The following DENND1B variants were observed in gnomAD, a reference collection of about 807,000 sequenced individuals.
The protein encoded by DENND1B is DENN domain containing 1B.
In DENND1B, 59 loss-of-function variants were observed where a neutral mutation model predicts 90.1. The ratio of observed to expected loss-of-function variants is 0.65; its 90% CI spans 0.53 to 0.81. The LOEUF (loss-of-function observed/expected upper bound fraction) is 0.81, where lower values mean the gene tolerates loss of function less well. DENND1B is among the 40% of genes least tolerant of loss of function. DENND1B has a pLI of 0.00. For missense variants in DENND1B, 862 were observed against 912.6 expected (o/e 0.94, Z 0.71); for synonymous variants, 337 against 324.6 (o/e 1.04, Z -0.41).
At position 197,697,706 on chromosome 1, in the gene DENND1B, A is replaced by T. The variant is rs541146228; in HGVS notation, c.126+17325T>A. Among the ~76,000 whole-genome samples, 219 of 152,158 alleles carry T rather than the reference A, an allele frequency of 1.4e-3. 2 individuals carry two copies. The highest frequency in any genetic ancestry group is 4.8e-3 in the African/African-American group (200 of 41,548). Reference sequence around the variant, plus strand: ...CATGCAAAGATACATATAGGATCAAAATAAAGGGATGGAGGAAAATTTACC... The same window carrying T: ...CATGCAAAGATACATATAGGATCAATATAAAGGGATGGAGGAAAATTTACC... On this transcript the variant is annotated intron_variant, in intron 3 of 22. Transcript: ENST00000620048.
rs1667806195 is a variant in DENND1B at position 197,508,005 on chromosome 1, A to T, written c.*2455T>A. 1 of 151,652 alleles carries T rather than the reference A, an allele frequency of 6.6e-6. No homozygotes were observed. Among genetic ancestry groups the T allele is most frequent in the Admixed American group, 6.6e-5 (1 of 15,170 alleles). 9.4% of individuals were successfully genotyped at this position (151,652 alleles called of 1,614,324 possible). On this transcript the variant is annotated 3_prime_UTR_variant, in exon 23 of 23. Coordinates refer to ENST00000620048, the MANE Select transcript of DENND1B (RefSeq NM_001195215.2). ...TTTAAATACCTTGAGACAATTATTT[A>T]TGAGTGGCTAAATATCCTCAAAGCA... is the stretch of plus-strand genomic sequence containing the variant.
Position 197,583,137 on chromosome 1 carries a change from G to C in DENND1B, c.1149+15C>G. 1 of 1,608,368 alleles carries C rather than the reference G, an allele frequency of 6.2e-7. No homozygotes were observed. The highest frequency in any genetic ancestry group is 1.1e-5 in the South Asian group (1 of 90,880). ...TGTTGTCTTACAAAAGAAAAATGTG[G>C]AGGTCCACTCTTACCTGCTTAAAAA... is the stretch of plus-strand genomic sequence containing the variant. On this transcript the variant is annotated intron_variant, in intron 15 of 22. Coordinates refer to ENST00000620048, the MANE Select transcript of DENND1B (RefSeq NM_001195215.2).
chr1:197,679,597 G>A (rs1161244938), intron 3 of DENND1B, among the ~76,000 whole-genome samples: 1 of 150,414 alleles, frequency 6.6e-6, no homozygotes, highest in African/African-American at 2.4e-5. Flanking sequence ...TATATTCCAT[G>A]TATTTATGTA....
chr1:197,759,194 C>T (rs749925090), intron 2 of DENND1B, among the ~76,000 whole-genome samples: 4 of 151,258 alleles, frequency 2.6e-5, no homozygotes, highest in South Asian at 2.1e-4. Flanking sequence ...TGCTGGAACT[C>T]CTGGCCTCAT....
chr1:197,766,932 T>A (rs1490389241), intron 2 of DENND1B, among the ~76,000 whole-genome samples: 1 of 152,048 alleles, frequency 6.6e-6, no homozygotes, highest in East Asian at 1.9e-4. Flanking sequence ...TAGTTGGGAC[T>A]ACAGGCTCTT....
At chr1:197,742,911 T>C (rs1028443989) in intron 2 of DENND1B, among the ~76,000 whole-genome samples, 9 of 152,110 alleles carry the variant, frequency 5.9e-5, no homozygotes, top group Admixed American at 1.3e-4. Flanking sequence ...GGTGGTCACA[T>C]AGAACCAAGA....
chr1:197,713,722 C>A (rs1176599326), intron 3 of DENND1B, among the ~76,000 whole-genome samples: 2 of 64,104 alleles, frequency 3.1e-5, no homozygotes, highest in Non-Finnish European at 6.0e-5. Context: ...TACTCTAAAA[C>A]TTAGAGTATA....
intron 16 of DENND1B, chr1:197,552,814 G>A (rs1444593266): frequency 7.6e-7 from 1 of 1,323,166 alleles, no homozygotes; most frequent in Non-Finnish European, 9.6e-7. Context: ...TGCCAATTCA[G>A]GAGGCCAACT....
intron 2 of DENND1B, among the ~76,000 whole-genome samples, chr1:197,760,728 T>C (rs1654937966): frequency 6.6e-6 from 1 of 152,122 alleles, no homozygotes; most frequent in South Asian, 2.1e-4. Context: ...TAATGGGCTT[T>C]ATAATGAATT....
At chr1:197,540,181 CTT>C in intron 19 of DENND1B, 110 bp from the exon 20 acceptor site, 1 of 544,294 alleles carries the variant, frequency 1.8e-6, no homozygotes, top group Non-Finnish European at 3.0e-6. Context: ...CAAAATAACA[CTT>C]CAGCTTTAAG....
At chr1:197,634,929 C>T (rs1472637112) in intron 10 of DENND1B, among the ~76,000 whole-genome samples, 1 of 152,106 alleles carries the variant, frequency 6.6e-6, no homozygotes, top group Non-Finnish European at 1.5e-5. Flanking sequence ...CGGGCAGAAG[C>T]TGCAGTGGGC....
In DENND1B at chr1:197,647,935, G is replaced by A. The variant is rs144149226; in HGVS notation, c.448-821C>T. Among the ~76,000 whole-genome samples, 115 of 125,368 alleles carry A rather than the reference G, an allele frequency of 9.2e-4. No homozygotes were observed. In the East Asian group the frequency reaches 0.022, roughly 24 times the overall value. The allele number at this position is 125,368 out of a possible 152,430, so 82.2% of individuals were successfully genotyped here. Reference sequence around the variant, plus strand: ...GTTTTCCAACCTGGGCAACAAGAGCGAAACTCCACTTCAAAAAAAAAAAAA... The same window carrying A: ...GTTTTCCAACCTGGGCAACAAGAGCAAAACTCCACTTCAAAAAAAAAAAAA... On this transcript the variant is annotated intron_variant, in intron 7 of 22. Transcript: ENST00000620048.
At chr1:197,592,374 T>G (rs889318898) in intron 14 of DENND1B, among the ~76,000 whole-genome samples, 1 of 152,128 alleles carries the variant, frequency 6.6e-6, no homozygotes, top group Non-Finnish European at 1.5e-5. Context: ...TGGCATCCAA[T>G]GGGTGCTCAA....
At chr1:197,687,940 T>C (rs1657425773) in intron 3 of DENND1B, among the ~76,000 whole-genome samples, 1 of 152,106 alleles carries the variant, frequency 6.6e-6, no homozygotes, top group African/African-American at 2.4e-5. Context: ...AAAAATTTAT[T>C]AGACATACTA....
chr1:197,587,211 C>G (rs1674776461), intron 14 of DENND1B, among the ~76,000 whole-genome samples: 1 of 152,056 alleles, frequency 6.6e-6, no homozygotes, highest in Non-Finnish European at 1.5e-5. Context: ...TGAGAAATAC[C>G]CATCTATAAT....
chr1:197,634,456 A>G (rs767697076), intron 10 of DENND1B, among the ~76,000 whole-genome samples: 2 of 152,192 alleles, frequency 1.3e-5, no homozygotes, highest in Non-Finnish European at 2.9e-5. Context: ...TATAGAAAGA[A>G]AGTAATGAAC....
At chr1:197,623,830 G>A (rs1474243088) in intron 10 of DENND1B, among the ~76,000 whole-genome samples, 1 of 151,432 alleles carries the variant, frequency 6.6e-6, no homozygotes, top group Admixed American at 6.6e-5. Context: ...CACCATTATA[G>A]TATCATAAAA....
Position 197,762,259 on chromosome 1 carries a change from T to A in DENND1B, c.82+10609A>T, listed in dbSNP as rs142594134. On this transcript the variant is annotated intron_variant, in intron 2 of 22. Transcript: ENST00000620048. ...TCCACGAGACAGACACCAAAAGGCT[T>A]ATTAGTCAGCATTTTTTTTTTTTTT... Among the ~76,000 whole-genome samples the A allele has an allele frequency of 4.8e-3, 731 of 152,070 alleles. 7 individuals carry two copies. The highest frequency in any genetic ancestry group is 0.016 in the African/African-American group (676 of 41,456).
chr1:197,614,764 C>T (rs553303665), intron 11 of DENND1B, among the ~76,000 whole-genome samples: 1 of 150,826 alleles, frequency 6.6e-6, no homozygotes, highest in South Asian at 2.1e-4. Flanking sequence ...AAAAAAAATA[C>T]CTATTCTCTC....
Sources: gnomAD v4.1 joint callset for allele counts (sites outside exome capture counted in the v4.1 genomes callset) on GRCh38, gnomAD v4.1.1 for gene constraint, MANE v1.5 for transcripts, NCBI Gene and HGNC (gene_info 2026-07-23, HGNC 2026-07-21) for gene names.